The following SPIN1 variants were observed in gnomAD, a reference collection of about 807,000 sequenced individuals.
The protein encoded by SPIN1 is spindlin-1.
Under a neutral mutation model 26.0 loss-of-function variants are expected in SPIN1, and 3 were observed. That is an observed-to-expected ratio of 0.12 (90% confidence interval 0.05 to 0.30). The LOEUF is 0.30. Among genes scored for constraint, SPIN1 ranks in the 10% least tolerant of loss-of-function variants. SPIN1 has a pLI of 1.00. For synonymous variants in SPIN1, 101 were observed against 116.5 expected, an observed-to-expected ratio of 0.87 and a Z score of 0.86; for missense variants, 126 against 333.4, an observed-to-expected ratio of 0.38 and a Z score of 4.84.
intron 1 of SPIN1, among the ~76,000 whole-genome samples, chr9:88,394,808 A>ATT (rs397952642): frequency 0.067 from 7,675 of 114,032 alleles, 911 homozygotes; most frequent in African/African-American, 0.23. Flanking sequence ...TATTTAATGT[A>ATT]TTTTTTTTTT....
chr9:88,399,307 C>T (rs1287892405), intron 1 of SPIN1, among the ~76,000 whole-genome samples: 3 of 152,318 alleles, frequency 2.0e-5, no homozygotes, highest in African/African-American at 7.2e-5. Flanking sequence ...GCTGGGATTA[C>T]AGGCGTGAGC....
intron 1 of SPIN1, chr9:88,391,611 T>C (rs1826921429): frequency 6.6e-6 from 1 of 152,244 alleles, no homozygotes; most frequent in South Asian, 2.1e-4. Flanking sequence ...AAGCCATCTC[T>C]GATGTCCTGG....
At chr9:88,453,828 T>A (rs910694834) in intron 3 of SPIN1, among the ~76,000 whole-genome samples, 1 of 152,146 alleles carries the variant, frequency 6.6e-6, no homozygotes, top group South Asian at 2.1e-4. Flanking sequence ...GCCCGCGGTA[T>A]CTTAAGCACA....
At chr9:88,405,633 T>TC (rs1827285792) in intron 1 of SPIN1, among the ~76,000 whole-genome samples, 1 of 140,776 alleles carries the variant, frequency 7.1e-6, no homozygotes, top group Admixed American at 7.7e-5. Flanking sequence ...AGCCTCCGCC[T>TC]CCCGGGTTCA....
At chr9:88,405,554 T>TTTC (rs1422911547) in intron 1 of SPIN1, among the ~76,000 whole-genome samples, 1 of 147,040 alleles carries the variant, frequency 6.8e-6, no homozygotes, top group Non-Finnish European at 1.5e-5. Flanking sequence ...TTTTTTTTTT[T>TTTC]TTCCCTGAGA....
intron 2 of SPIN1, among the ~76,000 whole-genome samples, chr9:88,441,183 T>G (rs1815491945): frequency 6.6e-6 from 1 of 151,884 alleles, no homozygotes; most frequent in African/African-American, 2.4e-5. Flanking sequence ...AACTTTTGTA[T>G]TTGGCATTAT....
chr9:88,448,120 T>C (rs998009407), intron 2 of SPIN1, among the ~76,000 whole-genome samples: 1 of 151,756 alleles, frequency 6.6e-6, no homozygotes, highest in Non-Finnish European at 1.5e-5. Context: ...CTTGGCTCAC[T>C]GCAACCTCCA....
chr9:88,467,752 TGAA>T (rs1828699363), intron 4 of SPIN1, among the ~76,000 whole-genome samples: 3 of 151,128 alleles, frequency 2.0e-5, no homozygotes, highest in African/African-American at 7.3e-5. Context: ...TTGGTTGCAG[TGAA>T]GAATAAGATT....
intron 1 of SPIN1, chr9:88,416,597 C>G (rs758197494): frequency 2.0e-5 from 3 of 152,146 alleles, no homozygotes; most frequent in African/African-American, 2.4e-5. Context: ...TGTTTTTTCC[C>G]TAAACTTTTT....
In SPIN1 at chr9:88,477,940, G is replaced by A. The variant is rs1828916777; in HGVS notation, c.*2663G>A. 6.6e-6 allele frequency: 1 copy of A among 152,136 alleles called. No homozygotes were observed. Among genetic ancestry groups the A allele is most frequent in the African/African-American group, 2.4e-5 (1 of 41,432 alleles). 9.4% of individuals were successfully genotyped at this position (152,136 alleles called of 1,614,324 possible). A position where few individuals can be genotyped will look rare whatever the true frequency, so the allele number is the denominator to read the frequency against. ...TTGCATGCTCTATTCTAAGTAGAATGTTCAATGTAACTGACTAAAATTGCA... is the reference window on the plus strand; with the variant it reads ...TTGCATGCTCTATTCTAAGTAGAATATTCAATGTAACTGACTAAAATTGCA... On this transcript the variant is annotated 3_prime_UTR_variant, in exon 6 of 6. Transcript: ENST00000375859.
chr9:88,444,831 C>T (rs1219808575), intron 2 of SPIN1, among the ~76,000 whole-genome samples: 1 of 151,882 alleles, frequency 6.6e-6, no homozygotes, highest in East Asian at 1.9e-4. Flanking sequence ...GCTGGGACTA[C>T]AGGTGACCAC....
intron 1 of SPIN1, among the ~76,000 whole-genome samples, chr9:88,407,530 G>T (rs1216458389): frequency 6.6e-6 from 1 of 151,662 alleles, no homozygotes; most frequent in Admixed American, 6.6e-5. Flanking sequence ...TTGAATTGTG[G>T]TCAGGAGCAG....
intron 2 of SPIN1, among the ~76,000 whole-genome samples, chr9:88,432,810 C>T (rs773160171): frequency 6.6e-6 from 1 of 151,940 alleles, no homozygotes; most frequent in East Asian, 1.9e-4. Context: ...TCTGGGGGAG[C>T]TTATTTACTT....
chr9:88,426,526 T>C lies in SPIN1; in HGVS notation c.-14T>C. Reference sequence around the variant, plus strand: ...CTAGTCCAGCAGCTCCGCTGCTCACTTAAATACAGATGAATGAAGACCCCA... The same window carrying C: ...CTAGTCCAGCAGCTCCGCTGCTCACCTAAATACAGATGAATGAAGACCCCA... On this transcript the variant is annotated 5_prime_UTR_variant, in exon 2 of 6. Coordinates refer to ENST00000375859, the MANE Select transcript of SPIN1 (RefSeq NM_006717.3). 1 of 1,612,882 alleles carries C rather than the reference T, an allele frequency of 6.2e-7. No homozygotes were observed. Among genetic ancestry groups the C allele is most frequent in the Admixed American group, 1.7e-5 (1 of 59,946 alleles).
intron 2 of SPIN1, among the ~76,000 whole-genome samples, chr9:88,430,030 A>G (rs1418402281): frequency 1.3e-5 from 2 of 152,212 alleles, no homozygotes; most frequent in Admixed American, 1.3e-4. Flanking sequence ...TATAAAATAG[A>G]GTCTTAATCA....
intron 3 of SPIN1, among the ~76,000 whole-genome samples, chr9:88,461,025 ACTTT>A (rs1401639891): frequency 1.3e-5 from 2 of 152,142 alleles, no homozygotes; most frequent in African/African-American, 4.8e-5. Context: ...TCCTCAAGAT[ACTTT>A]CGTATGTTGT....
intron 2 of SPIN1, among the ~76,000 whole-genome samples, chr9:88,437,293 T>G (rs1364562563): frequency 6.6e-6 from 1 of 151,888 alleles, no homozygotes; most frequent in African/African-American, 2.4e-5. Context: ...AGCCTGAGAA[T>G]TCTAGATCAG....
chr9:88,443,682 T>C (rs974238662), intron 2 of SPIN1, among the ~76,000 whole-genome samples: 3 of 152,198 alleles, frequency 2.0e-5, no homozygotes, highest in African/African-American at 4.8e-5. Flanking sequence ...AATAGGTCTT[T>C]AGCAAGGTAG....
chr9:88,471,447 G>A (rs771187026), intron 5 of SPIN1, among the ~76,000 whole-genome samples: 13 of 151,820 alleles, frequency 8.6e-5, no homozygotes, highest in Non-Finnish European at 1.9e-4. Flanking sequence ...GGTGGATCAC[G>A]AGGTCAGGAG....
Sources: gnomAD v4.1 joint callset for allele counts (sites outside exome capture counted in the v4.1 genomes callset) on GRCh38, gnomAD v4.1.1 for gene constraint, MANE v1.5 for transcripts, NCBI Gene and HGNC (gene_info 2026-07-23, HGNC 2026-07-21) for gene names.